PRRC2C: variants seen among roughly 807,000 people sequenced by gnomAD.
PRRC2C encodes proline rich coiled-coil 2C.
PRRC2C carries 72 observed loss-of-function variants against 317.2 expected under a neutral mutation model. The ratio of observed to expected loss-of-function variants is 0.23; its 90% confidence interval spans 0.19 to 0.28. The LOEUF is 0.28. Among genes scored for constraint, PRRC2C ranks in the 10% least tolerant of loss-of-function variants. The pLI, the probability that PRRC2C is intolerant of heterozygous loss-of-function variation, is 1.00. For missense variants in PRRC2C, 3,074 were observed against 3,459.7 expected (o/e 0.89, Z 2.80); for synonymous variants, 1,296 against 1,205.9 (o/e 1.07, Z -1.55).
At chr1:171,495,447 A>G (rs1667935812) in intron 1 of PRRC2C, among the ~76,000 whole-genome samples, 1 of 152,222 alleles carries the variant, frequency 6.6e-6, no homozygotes, top group South Asian at 2.1e-4. Flanking sequence ...GTCTTTATTC[A>G]AGTTATTGAC....
At chr1:171,553,889 A>G (rs967249517) in intron 18 of PRRC2C, among the ~76,000 whole-genome samples, 14 of 152,154 alleles carry the variant, frequency 9.2e-5, no homozygotes, top group South Asian at 2.1e-4. Context: ...ACTTCCAACT[A>G]TTTGGTCAGT....
intron 18 of PRRC2C, among the ~76,000 whole-genome samples, chr1:171,556,604 C>T (rs1431862544): frequency 3.9e-5 from 6 of 152,154 alleles, no homozygotes; most frequent in Non-Finnish European, 8.8e-5. Flanking sequence ...AACAACATAT[C>T]GTATGCTAGG....
intron 25 of PRRC2C, 37 bp from the exon 26 acceptor site, chr1:171,577,397 G>C (rs774131806): frequency 6.7e-7 from 1 of 1,493,412 alleles, no homozygotes; most frequent in Non-Finnish European, 9.2e-7. Flanking sequence ...TTTTAAATAT[G>C]CTCTATTTTC....
intron 30 of PRRC2C, among the ~76,000 whole-genome samples, chr1:171,586,664 T>TC (rs1650093219): frequency 6.6e-6 from 1 of 151,512 alleles, no homozygotes; most frequent in African/African-American, 2.4e-5. Context: ...CACTGCAACC[T>TC]CCCCCTCCTG....
rs1676054040 is a variant in PRRC2C at position 171,532,446 on chromosome 1, A to G, written c.1358A>G (p.Gln453Arg). The G allele has an allele frequency of 6.2e-7, 1 of 1,613,940 alleles. No individual in the cohort carries two copies. Among genetic ancestry groups the G allele is most frequent in the African/African-American group, 1.3e-5 (1 of 75,070 alleles). Residue 453 changes from glutamine (Q) to arginine (R), a missense_variant, in exon 12 of 35, where the codon CAA (glutamine) becomes CGA (arginine). Around this residue, in one of 11 missense-constraint regions of PRRC2C, gnomAD observed 1,320 missense variants for 1,395.7 expected, o/e 0.95. Transcript: ENST00000647382. Reference sequence around the variant, plus strand: ...GAAATATGGAAGCAAAGACGAAGACAACAATCAGAAATTTCTGCAGCAGTA... The same window carrying G: ...GAAATATGGAAGCAAAGACGAAGACGACAATCAGAAATTTCTGCAGCAGTA... ...EDEIWKQRRRQQSEISAAVER... is the reference protein window; with the variant it reads ...EDEIWKQRRRRQSEISAAVER...
At chr1:171,522,753 G>A (rs555439025) in intron 7 of PRRC2C, among the ~76,000 whole-genome samples, 3 of 152,182 alleles carry the variant, frequency 2.0e-5, no homozygotes, top group Non-Finnish European at 4.4e-5. Context: ...CAGCCTGAGC[G>A]ACAGAGCAAG....
At chr1:171,526,453 T>C (rs1222089572) in intron 10 of PRRC2C, among the ~76,000 whole-genome samples, 1 of 152,128 alleles carries the variant, frequency 6.6e-6, no homozygotes, top group Non-Finnish European at 1.5e-5. Context: ...TTCTTGTGCC[T>C]CAGCCTCCCA....
intron 20 of PRRC2C, among the ~76,000 whole-genome samples, chr1:171,561,304 A>G (rs1239825197): frequency 1.3e-5 from 2 of 152,150 alleles, no homozygotes; most frequent in African/African-American, 2.4e-5. Flanking sequence ...AGAATAAAAA[A>G]TAGCCAGTTG....
chr1:171,576,348 T>A (rs1161433584), intron 25 of PRRC2C, among the ~76,000 whole-genome samples: 1 of 152,154 alleles, frequency 6.6e-6, no homozygotes, highest in Non-Finnish European at 1.5e-5. Flanking sequence ...CTAGGATAAT[T>A]TTTTTAACAA....
intron 17 of PRRC2C, 83 bp downstream of exon 17, chr1:171,545,770 G>A: frequency 1.1e-6 from 1 of 948,842 alleles, no homozygotes; most frequent in Non-Finnish European, 1.4e-6. Context: ...AAATGTAGAT[G>A]CCACAATTAA....
chr1:171,523,263 G>T lies in PRRC2C; in HGVS notation c.876G>T (p.Glu292Asp). 1 of 1,613,418 alleles carries T rather than the reference G, an allele frequency of 6.2e-7. No individual in the cohort carries two copies. ...GRGPPPSWAS[E>D]PERPSILSAS... ...GCCCACCTCCTTCATGGGCCTCTGA[G>T]CCTGAACGCCCATCCATTCTTAGTG... Residue 292 changes from glutamate (E) to aspartate (D), a missense_variant, in exon 8 of 35, where the codon GAG becomes GAT. By Grantham distance (45) the Glu-to-Asp change is conservative. Coordinates refer to ENST00000647382, the MANE Select transcript of PRRC2C (RefSeq NM_001387844.1).
At chr1:171,494,683 C>A (rs1440780714) in intron 1 of PRRC2C, among the ~76,000 whole-genome samples, 2 of 152,076 alleles carry the variant, frequency 1.3e-5, no homozygotes, top group Non-Finnish European at 2.9e-5. Context: ...TAAGATCTTA[C>A]AAATTTCCGT....
intron 1 of PRRC2C, among the ~76,000 whole-genome samples, chr1:171,509,123 G>A (rs546179502): frequency 7.0e-4 from 107 of 152,090 alleles, no homozygotes; most frequent in African/African-American, 2.5e-3. Context: ...CTGACCTCAC[G>A]ATCCACCTGC....
intron 11 of PRRC2C, among the ~76,000 whole-genome samples, chr1:171,530,102 C>T (rs1321117160): frequency 3.3e-5 from 5 of 152,048 alleles, no homozygotes; most frequent in African/African-American, 7.2e-5. Flanking sequence ...AAGTTTTCTT[C>T]GATAAATAAG....
intron 1 of PRRC2C, among the ~76,000 whole-genome samples, chr1:171,494,112 T>C (rs552615065): frequency 6.6e-6 from 1 of 152,352 alleles, no homozygotes; most frequent in South Asian, 2.1e-4. Context: ...AATTTTAAAA[T>C]ACATAAGTTG....
chr1:171,487,855 A>G lies in PRRC2C; in HGVS notation c.-58+2120A>G, dbSNP rs758284703. ...TCTGTAAATTCTCAGGGTGATGTAT[A>G]TATTTCTTTAGGTACATAAGAAAAT... On this transcript the variant is annotated intron_variant, in intron 1 of 34. Coordinates refer to ENST00000647382, the MANE Select transcript of PRRC2C (RefSeq NM_001387844.1). 4.6e-5 allele frequency among the ~76,000 whole-genome samples: 7 copies of G among 152,316 alleles called. No homozygotes were observed. In the East Asian group the frequency reaches 5.8e-4, roughly 13 times the overall value.
chr1:171,584,330 C>T (rs1294412981), intron 29 of PRRC2C, 89 bp from the exon 30 acceptor site: 8 of 1,360,630 alleles, frequency 5.9e-6, no homozygotes, highest in Non-Finnish European at 8.0e-6. Context: ...CTAAAAATTG[C>T]TAGACATTGC....
intron 1 of PRRC2C, among the ~76,000 whole-genome samples, chr1:171,503,658 T>A (rs1439559791): frequency 6.6e-6 from 1 of 152,214 alleles, no homozygotes; most frequent in Non-Finnish European, 1.5e-5. Flanking sequence ...TGTGTGGAGG[T>A]ATTTTATTTC....
chr1:171,523,090 A>G (rs1673913897), intron 7 of PRRC2C, 131 bp from the exon 8 acceptor site: 4 of 789,422 alleles, frequency 5.1e-6, no homozygotes, highest in South Asian at 2.0e-5. Context: ...ACACATGTCC[A>G]TGCAGAACAT....
Sources: allele counts gnomAD v4.1 joint callset (sites outside exome capture counted in the v4.1 genomes callset), GRCh38; gene constraint gnomAD v4.1.1; regional missense constraint gnomAD v4.1.1; transcripts MANE v1.5; gene names NCBI Gene and HGNC (gene_info 2026-07-23, HGNC 2026-07-21).